Variants in INPP4B observed in about 807,000 individuals in gnomAD.
INPP4B encodes the protein inositol polyphosphate-4-phosphatase type II B.
Under a neutral mutation model 122.5 loss-of-function variants are expected in INPP4B, and 55 were observed. The ratio of observed to expected loss-of-function variants is 0.45; its 90% CI spans 0.36 to 0.56. INPP4B has a LOEUF of 0.56. INPP4B is among the 20% of genes least tolerant of loss of function. The pLI, the probability that INPP4B is intolerant of heterozygous loss-of-function variation, is 0.00. For synonymous variants in INPP4B, 403 were observed against 388.7 expected, an observed-to-expected ratio of 1.04 and a Z score of -0.43; for missense variants, 1,000 against 1,097.7, an observed-to-expected ratio of 0.91 and a Z score of 1.26.
intron 25 of INPP4B, among the ~76,000 whole-genome samples, chr4:142,044,661 C>CCAATAGGATTGATGGAACT (rs1560923920): frequency 6.6e-6 from 1 of 151,980 alleles, no homozygotes; most frequent in East Asian, 1.9e-4. Context: ...TTGATGGAAC[C>CCAATAGGATTGATGGAACT]GTTTTAAGAT....
chr4:142,650,885 C>A (rs985093961), intron 2 of INPP4B, among the ~76,000 whole-genome samples: 4 of 152,160 alleles, frequency 2.6e-5, no homozygotes, highest in African/African-American at 9.7e-5. Context: ...TAGACATCTA[C>A]AGAACTCTCC....
At chr4:142,562,683 A>G (rs1730724047) in intron 2 of INPP4B, among the ~76,000 whole-genome samples, 1 of 152,156 alleles carries the variant, frequency 6.6e-6, no homozygotes. Context: ...AAGATTTATA[A>G]GAGTATTATT....
chr4:142,488,548 ATTTG>A (rs1176475730), intron 2 of INPP4B, among the ~76,000 whole-genome samples: 1 of 151,958 alleles, frequency 6.6e-6, no homozygotes, highest in Non-Finnish European at 1.5e-5. Flanking sequence ...TCCAAATGTA[ATTTG>A]TTTACCAGTT....
chr4:142,545,176 G>T (rs558206908), intron 2 of INPP4B, among the ~76,000 whole-genome samples: 1 of 152,040 alleles, frequency 6.6e-6, no homozygotes, highest in Admixed American at 6.6e-5. Context: ...AAGGAAAATG[G>T]CACTTATATT....
At chr4:142,601,722 C>T (rs1453418302) in intron 2 of INPP4B, among the ~76,000 whole-genome samples, 2 of 151,862 alleles carry the variant, frequency 1.3e-5, no homozygotes, top group Non-Finnish European at 2.9e-5. Context: ...GTAATCCCAG[C>T]ACTTTGGGAG....
intron 1 of INPP4B, among the ~76,000 whole-genome samples, chr4:142,817,822 C>G (rs576601469): frequency 6.6e-6 from 1 of 152,246 alleles, no homozygotes; most frequent in Admixed American, 6.5e-5. Flanking sequence ...ATAAAAACAT[C>G]TAAACCTACT....
At chr4:142,719,921 C>A (rs1375493673) in intron 2 of INPP4B, among the ~76,000 whole-genome samples, 1 of 152,172 alleles carries the variant, frequency 6.6e-6, no homozygotes, top group African/African-American at 2.4e-5. Flanking sequence ...TAATACTACA[C>A]AATCTTCTGA....
intron 18 of INPP4B, among the ~76,000 whole-genome samples, chr4:142,144,151 A>T (rs1372457152): frequency 6.6e-6 from 1 of 151,646 alleles, no homozygotes; most frequent in Non-Finnish European, 1.5e-5. Context: ...CGGCTGATTT[A>T]TCTGCCAAAT....
chr4:142,047,889 G>A (rs1752427916), intron 25 of INPP4B, among the ~76,000 whole-genome samples: 1 of 152,064 alleles, frequency 6.6e-6, no homozygotes, highest in African/African-American at 2.4e-5. Context: ...ACCTGCCACT[G>A]TGGCTGCTGT....
chr4:142,624,109 G>C (rs1001610188), intron 2 of INPP4B, among the ~76,000 whole-genome samples: 5 of 149,980 alleles, frequency 3.3e-5, no homozygotes, highest in Admixed American at 1.3e-4. Flanking sequence ...GGGTCAAATG[G>C]TATTTCTAGT....
At chr4:142,376,984 T>C (rs931309238) in intron 7 of INPP4B, among the ~76,000 whole-genome samples, 9 of 152,066 alleles carry the variant, frequency 5.9e-5, no homozygotes, top group Non-Finnish European at 1.2e-4. Flanking sequence ...CTGCAAGTGC[T>C]ATGTATAGCC....
chr4:142,797,983 T>C (rs528219346), intron 1 of INPP4B, among the ~76,000 whole-genome samples: 2 of 151,744 alleles, frequency 1.3e-5, no homozygotes, highest in East Asian at 1.9e-4. Flanking sequence ...AAAAGAAATA[T>C]CACTTATGCA....
At chr4:142,774,159 T>G (rs1454246494) in intron 1 of INPP4B, among the ~76,000 whole-genome samples, 1 of 152,072 alleles carries the variant, frequency 6.6e-6, no homozygotes, top group African/African-American at 2.4e-5. Flanking sequence ...GACTGTGTAA[T>G]TCCAAAATGA....
At chr4:142,033,326 C>T (rs549849783) in intron 25 of INPP4B, among the ~76,000 whole-genome samples, 9 of 152,286 alleles carry the variant, frequency 5.9e-5, no homozygotes, top group African/African-American at 2.2e-4. Flanking sequence ...TCCACTGTGC[C>T]AGCCACACCC....
intron 1 of INPP4B, among the ~76,000 whole-genome samples, chr4:142,841,037 A>T (rs1472989598): frequency 3.3e-5 from 5 of 151,918 alleles, no homozygotes; most frequent in Non-Finnish European, 7.4e-5. Context: ...AGAAATTTTT[A>T]CTTTTTTAAA....
chr4:142,636,636 T>C lies in INPP4B; in HGVS notation c.-191+89203A>G, dbSNP rs548687484. On this transcript the variant is annotated intron_variant, in intron 2 of 25. Transcript: ENST00000262992. ...TCAATTTTCTCCTAAAATCATACTC[T>C]TCCTAAAAAATGTAAATAACCTAAA... 9.0e-4 allele frequency among the ~76,000 whole-genome samples: 137 copies of C among 152,118 alleles called. 1 individual carries two copies. Among genetic ancestry groups the C allele is most frequent in the African/African-American group, 3.1e-3 (128 of 41,544 alleles).
chr4:142,356,208 C>A (rs182586222), intron 7 of INPP4B, among the ~76,000 whole-genome samples: 220 of 147,986 alleles, frequency 1.5e-3, no homozygotes, highest in South Asian at 2.2e-3. Flanking sequence ...GGCAGAATAC[C>A]TTTAAAGATG....
At chr4:142,625,752 C>G (rs1318516006) in intron 2 of INPP4B, among the ~76,000 whole-genome samples, 1 of 152,114 alleles carries the variant, frequency 6.6e-6, no homozygotes, top group Admixed American at 6.6e-5. Flanking sequence ...GCAACAGTAA[C>G]CAAAACAGCA....
At chr4:142,606,253 G>C (rs145227120) in intron 2 of INPP4B, among the ~76,000 whole-genome samples, 269 of 151,928 alleles carry the variant, frequency 1.8e-3, no homozygotes, top group African/African-American at 5.9e-3. Flanking sequence ...GACTGGGAAG[G>C]GTGGGGAAGG....
Sources: gnomAD v4.1 joint callset for allele counts (sites outside exome capture counted in the v4.1 genomes callset) on GRCh38, gnomAD v4.1.1 for gene constraint, MANE v1.5 for transcripts, NCBI Gene and HGNC (gene_info 2026-07-23, HGNC 2026-07-21) for gene names.